Variants in ZNF521 observed in about 807,000 individuals in gnomAD.
ZNF521 encodes LYST-interacting protein 3.
Under a neutral mutation model 105.5 loss-of-function variants are expected in ZNF521, and 14 were observed. That is an observed-to-expected ratio of 0.13 (90% CI 0.09 to 0.21). The LOEUF (loss-of-function observed/expected upper bound fraction) is 0.21, where lower values mean the gene tolerates loss of function less well. Ranked by LOEUF, ZNF521 falls within the 10% of genes least tolerant of loss-of-function variation. The pLI is 1.00. For synonymous variants in ZNF521, 635 were observed against 606.0 expected (o/e 1.05, Z -0.70); for missense variants, 1,233 against 1,629.7 (o/e 0.76, Z 4.19).
At chr18:25,258,533 A>C (rs781401636) in intron 3 of ZNF521, among the ~76,000 whole-genome samples, 6 of 152,190 alleles carry the variant, frequency 3.9e-5, no homozygotes, top group Non-Finnish European at 8.8e-5. Flanking sequence ...CAATATGTTA[A>C]AAGAATAGCT....
At chr18:25,093,757 T>C (rs2033797248) in intron 5 of ZNF521, among the ~76,000 whole-genome samples, 1 of 152,018 alleles carries the variant, frequency 6.6e-6, no homozygotes, top group Non-Finnish European at 1.5e-5. Context: ...TAAGAGGGAG[T>C]TTAATTGTGC....
chr18:25,308,137 G>A (rs1254493227), intron 3 of ZNF521, among the ~76,000 whole-genome samples: 5 of 146,394 alleles, frequency 3.4e-5, no homozygotes, highest in African/African-American at 1.3e-4. Context: ...GGCAGGCGGA[G>A]GTTGCAATGA....
intron 5 of ZNF521, among the ~76,000 whole-genome samples, chr18:25,127,577 T>A (rs1298212237): frequency 6.6e-6 from 1 of 152,000 alleles, no homozygotes; most frequent in East Asian, 1.9e-4. Flanking sequence ...TAAAAAAAGA[T>A]ACGATCCAGA....
intron 5 of ZNF521, among the ~76,000 whole-genome samples, chr18:25,097,791 T>C (rs2033884142): frequency 6.6e-6 from 1 of 152,202 alleles, no homozygotes; most frequent in Admixed American, 6.5e-5. Context: ...AAGCTTACCT[T>C]AACTTAGTTA....
intron 2 of ZNF521, among the ~76,000 whole-genome samples, chr18:25,331,168 C>T (rs1347337408): frequency 1.3e-5 from 2 of 152,162 alleles, no homozygotes; most frequent in East Asian, 3.8e-4. Context: ...AGAAACAAAA[C>T]CAGCTTCTGT....
At chr18:25,238,137 T>C (rs1568028739) in intron 3 of ZNF521, among the ~76,000 whole-genome samples, 2 of 152,046 alleles carry the variant, frequency 1.3e-5, no homozygotes, top group Non-Finnish European at 2.9e-5. Flanking sequence ...ACCCTCAAAG[T>C]CCATCCTTCC....
At chr18:25,319,841 C>A (rs1421461276) in intron 3 of ZNF521, among the ~76,000 whole-genome samples, 2 of 152,152 alleles carry the variant, frequency 1.3e-5, no homozygotes. Context: ...AATATCACTT[C>A]TTTGGTGATT....
At chr18:25,208,736 T>C (rs946544958) in intron 4 of ZNF521, among the ~76,000 whole-genome samples, 1 of 152,240 alleles carries the variant, frequency 6.6e-6, no homozygotes, top group Admixed American at 6.5e-5. Flanking sequence ...ACCAACTTGT[T>C]ACACTGTTTA....
At chr18:25,212,647 G>C (rs1287854919) in intron 4 of ZNF521, among the ~76,000 whole-genome samples, 1 of 143,224 alleles carries the variant, frequency 7.0e-6, no homozygotes, top group Non-Finnish European at 1.5e-5. Flanking sequence ...AGAGATAACT[G>C]ACAGACTTAC....
intron 4 of ZNF521, among the ~76,000 whole-genome samples, chr18:25,208,568 C>A (rs1263752961): frequency 6.7e-6 from 1 of 149,360 alleles, no homozygotes; most frequent in African/African-American, 2.5e-5. Context: ...ACCCACTTTT[C>A]TTTTTTTCCT....
chr18:25,304,609 T>C (rs1401090628), intron 3 of ZNF521, among the ~76,000 whole-genome samples: 1 of 152,150 alleles, frequency 6.6e-6, no homozygotes, highest in East Asian at 1.9e-4. Context: ...CGGGGTCTTT[T>C]TACCCATCTG....
At chr18:25,316,660 A>G (rs1186795402) in intron 3 of ZNF521, among the ~76,000 whole-genome samples, 1 of 152,134 alleles carries the variant, frequency 6.6e-6, no homozygotes, top group African/African-American at 2.4e-5. Context: ...TAACACCTTC[A>G]ACAAACATGG....
intron 4 of ZNF521, among the ~76,000 whole-genome samples, chr18:25,207,420 C>T (rs990116641): frequency 6.6e-6 from 1 of 152,176 alleles, no homozygotes. Context: ...CCAGGACCGA[C>T]TCTCCAGCAC....
chr18:25,194,183 G>T (rs1013349130), intron 5 of ZNF521, among the ~76,000 whole-genome samples: 1 of 151,606 alleles, frequency 6.6e-6, no homozygotes, highest in Non-Finnish European at 1.5e-5. Flanking sequence ...CTGTCTTACA[G>T]AGTTTCATAG....
At chr18:25,269,939 T>C (rs1909534307) in intron 3 of ZNF521, among the ~76,000 whole-genome samples, 1 of 151,614 alleles carries the variant, frequency 6.6e-6, no homozygotes, top group Non-Finnish European at 1.5e-5. Flanking sequence ...ATAACTAAGA[T>C]CAAAGCAGAA....
chr18:25,088,886 A>AGT (rs1253943684), intron 7 of ZNF521, among the ~76,000 whole-genome samples: 15 of 152,218 alleles, frequency 9.9e-5, no homozygotes, highest in African/African-American at 3.4e-4. Flanking sequence ...GAGGACTTAC[A>AGT]GTCCAAGGTT....
intron 5 of ZNF521, among the ~76,000 whole-genome samples, chr18:25,114,719 C>T (rs539819469): frequency 2.0e-5 from 3 of 152,250 alleles, no homozygotes; most frequent in East Asian, 3.9e-4. Flanking sequence ...AAATTACATC[C>T]GCATAGGAGA....
intron 5 of ZNF521, among the ~76,000 whole-genome samples, chr18:25,094,183 A>G (rs2033806042): frequency 6.6e-6 from 1 of 152,172 alleles, no homozygotes; most frequent in African/African-American, 2.4e-5. Context: ...ATAACAATTG[A>G]CTGTCACATG....
chr18:25,300,069 C>T (rs1288312350), intron 3 of ZNF521, among the ~76,000 whole-genome samples: 1 of 152,184 alleles, frequency 6.6e-6, no homozygotes, highest in Admixed American at 6.5e-5. Context: ...GAGACTGCAA[C>T]TTAGACCCTG....
Sources: allele counts gnomAD v4.1 joint callset (sites outside exome capture counted in the v4.1 genomes callset), GRCh38; gene constraint gnomAD v4.1.1; transcripts MANE v1.5; gene names NCBI Gene and HGNC (gene_info 2026-07-23, HGNC 2026-07-21).